The following PCLAF variants were observed in gnomAD, a reference collection of about 807,000 sequenced individuals.
PCLAF encodes the protein PCNA-associated factor.
Under a neutral mutation model 15.1 loss-of-function variants are expected in PCLAF, and 12 were observed. That is an observed-to-expected ratio of 0.79 (90% CI 0.51 to 1.29). The LOEUF (loss-of-function observed/expected upper bound fraction) is 1.29, where lower values mean the gene tolerates loss of function less well. PCLAF is among the 50% of genes most tolerant of loss of function. PCLAF has a pLI of 0.00. For synonymous variants in PCLAF, 33 were observed against 47.1 expected (o/e 0.70, Z 1.22); for missense variants, 116 against 130.9 (o/e 0.89, Z 0.56).
chr15:64,366,122 T>TTTTTTTCAAACAG, intron 3 of PCLAF, 47 bp from the exon 4 acceptor site: 1 of 1,478,670 alleles, frequency 6.8e-7, no homozygotes, highest in Non-Finnish European at 9.3e-7. Context: ...GTATCAACTG[T>TTTTTTTCAAACAG]TTGAAAAAAA....
At position 64,366,057 on chromosome 15, in the gene PCLAF, A is replaced by G. The variant is rs1200572807; in HGVS notation, c.309T>C (p.Pro103=). The G allele has an allele frequency of 1.2e-6, 2 of 1,611,692 alleles. No homozygotes were observed. The highest frequency in any genetic ancestry group is 8.5e-7 in the Non-Finnish European group (1 of 1,178,868). The part of the protein sequence containing the change: ...KAKRKACPLQ[P]DHTNDEKE ...ATTCTTTTTCATCATTTGTGTGATC[A>G]GGTTGCAAAGGACATGCTCTGTGAA... The change falls in exon 4 of 4, where the codon CCT becomes CCC. Residue 103 remains proline (P), a synonymous_variant. Coordinates refer to ENST00000300035, the MANE Select transcript of PCLAF (RefSeq NM_014736.6).
At chr15:64,372,589 G>T (rs1899381034) in intron 3 of PCLAF, among the ~76,000 whole-genome samples, 1 of 152,138 alleles carries the variant, frequency 6.6e-6, no homozygotes, top group Non-Finnish European at 1.5e-5. Context: ...ACCCCAGCCT[G>T]GGCGACAGAG....
At chr15:64,376,678 C>A in intron 3 of PCLAF, 65 bp downstream of exon 3, 1 of 1,393,672 alleles carries the variant, frequency 7.2e-7, no homozygotes, top group Non-Finnish European at 9.8e-7. Flanking sequence ...CTCGGCCTCC[C>A]AAAGTGCTGG....
intron 3 of PCLAF, among the ~76,000 whole-genome samples, chr15:64,374,799 T>C (rs867043170): frequency 4.1e-5 from 6 of 148,132 alleles, no homozygotes; most frequent in South Asian, 2.1e-4. Context: ...TGAGCGAACA[T>C]TGGGCCACTG....
At chr15:64,381,071 G>C in intron 1 of PCLAF, 33 bp from the exon 2 acceptor site, 2 of 1,601,812 alleles carry the variant, frequency 1.2e-6, no homozygotes, top group East Asian at 4.5e-5. Flanking sequence ...GTGTTCAGAA[G>C]GGGCAGGAGG....
upstream of PCLAF, among the ~76,000 whole-genome samples, chr15:64,385,392 G>A (rs750983134): frequency 3.2e-4 from 49 of 152,150 alleles, no homozygotes; most frequent in Admixed American, 9.2e-4. Flanking sequence ...TTGGGAGGCC[G>A]AGGCGGGAGG....
At chr15:64,373,920 C>G (rs762005143) in intron 3 of PCLAF, 1 of 622,408 alleles carries the variant, frequency 1.6e-6, no homozygotes, top group Admixed American at 4.3e-5. Flanking sequence ...AATTACAAAT[C>G]TATAAAAAGG....
intron 1 of PCLAF, among the ~76,000 whole-genome samples, chr15:64,386,761 A>G (rs2140538716): frequency 6.6e-6 from 1 of 152,282 alleles, no homozygotes; most frequent in Non-Finnish European, 1.5e-5. Flanking sequence ...GATTTTAATT[A>G]TAATATTTAT....
chr15:64,385,785 T>C (rs998589696), upstream of PCLAF, among the ~76,000 whole-genome samples: 7 of 152,038 alleles, frequency 4.6e-5, no homozygotes, highest in Admixed American at 3.3e-4. Context: ...GCGGGCACCA[T>C]CCAATTAACC....
intron 3 of PCLAF, among the ~76,000 whole-genome samples, chr15:64,371,844 A>C (rs2140523245): frequency 6.6e-6 from 1 of 150,952 alleles, no homozygotes; most frequent in East Asian, 2.0e-4. Flanking sequence ...TGATCTGCCC[A>C]CCTTGGCCTC....
At chr15:64,373,878 A>G in intron 3 of PCLAF, 1 of 1,024,302 alleles carries the variant, frequency 9.8e-7, no homozygotes, top group East Asian at 3.0e-5. Flanking sequence ...GAAACAAAAC[A>G]TTTAAGTTGC....
upstream of PCLAF, among the ~76,000 whole-genome samples, chr15:64,385,276 T>C (rs972409621): frequency 6.6e-6 from 1 of 152,214 alleles, no homozygotes; most frequent in Admixed American, 6.6e-5. Context: ...TCATAGTCTC[T>C]GCCTTCAAGC....
At chr15:64,386,315 C>T (rs1899934900), upstream of PCLAF, among the ~76,000 whole-genome samples, 1 of 151,702 alleles carries the variant, frequency 6.6e-6, no homozygotes, top group Non-Finnish European at 1.5e-5. Flanking sequence ...AATCAATACA[C>T]TTATGAGGTT....
chr15:64,375,243 G>C (rs994074981), intron 3 of PCLAF, among the ~76,000 whole-genome samples: 9 of 152,094 alleles, frequency 5.9e-5, no homozygotes, highest in African/African-American at 2.2e-4. Context: ...TCCTGCTTCA[G>C]CCTCCCGAGT....
chr15:64,379,883 C>T (rs72758941), intron 2 of PCLAF, among the ~76,000 whole-genome samples: 6,789 of 152,012 alleles, frequency 0.045, 197 homozygotes, highest in South Asian at 0.086. Flanking sequence ...AGAAAACCCA[C>T]AGACATCATA....
chr15:64,367,269 C>T (rs566641656), intron 3 of PCLAF, among the ~76,000 whole-genome samples: 5 of 152,010 alleles, frequency 3.3e-5, no homozygotes, highest in Non-Finnish European at 5.9e-5. Context: ...TTCGGGAGGC[C>T]GAGGCGGGTG....
At chr15:64,376,339 T>A (rs1473864655) in intron 3 of PCLAF, among the ~76,000 whole-genome samples, 1 of 152,134 alleles carries the variant, frequency 6.6e-6, no homozygotes, top group Non-Finnish European at 1.5e-5. Context: ...TGACTCAATA[T>A]CCTATTTGTC....
upstream of PCLAF, chr15:64,381,552 G>T: frequency 6.8e-7 from 1 of 1,470,020 alleles, no homozygotes; most frequent in Middle Eastern, 1.9e-4. Context: ...TGAACCAATT[G>T]CCAATGCCCA....
At chr15:64,385,936 C>T (rs1899924835), upstream of PCLAF, among the ~76,000 whole-genome samples, 1 of 152,188 alleles carries the variant, frequency 6.6e-6, no homozygotes, top group Admixed American at 6.5e-5. Flanking sequence ...TGGACTGAGC[C>T]AGCTACCAGC....
Sources: allele counts gnomAD v4.1 joint callset (sites outside exome capture counted in the v4.1 genomes callset), GRCh38; gene constraint gnomAD v4.1.1; transcripts MANE v1.5; gene names NCBI Gene and HGNC (gene_info 2026-07-23, HGNC 2026-07-21).